The following RBMS3 variants were observed in gnomAD, a reference collection of about 807,000 sequenced individuals.
The protein encoded by RBMS3 is RNA binding motif single stranded interacting protein 3.
In RBMS3, 27 loss-of-function variants were observed where a neutral mutation model predicts 66.8. That is an observed-to-expected ratio of 0.40 (90% CI 0.30 to 0.56). The LOEUF is 0.56. Among genes scored for constraint, RBMS3 ranks in the 20% least tolerant of loss-of-function variants. The pLI is 0.40. For synonymous variants in RBMS3, 188 were observed against 183.0 expected (o/e 1.03, Z -0.22); for missense variants, 513 against 549.5 (o/e 0.93, Z 0.66).
At chr3:29,504,006 T>C (rs971045291) in intron 3 of RBMS3, among the ~76,000 whole-genome samples, 1 of 152,134 alleles carries the variant, frequency 6.6e-6, no homozygotes, top group African/African-American at 2.4e-5. Flanking sequence ...CTTTGTTCTC[T>C]AAACAGTTTG....
At chr3:29,666,443 A>G (rs921515833) in intron 4 of RBMS3, among the ~76,000 whole-genome samples, 4 of 152,218 alleles carry the variant, frequency 2.6e-5, no homozygotes, top group Non-Finnish European at 4.4e-5. Flanking sequence ...GAATGAGTAA[A>G]TGCACATTTA....
At chr3:29,772,173 T>A (rs903609711) in intron 6 of RBMS3, among the ~76,000 whole-genome samples, 5 of 151,926 alleles carry the variant, frequency 3.3e-5, no homozygotes, top group African/African-American at 9.6e-5. Context: ...GACTTGGATT[T>A]CCCCCCTAGA....
At chr3:29,994,717 C>CTGTT (rs1316128172) in intron 14 of RBMS3, among the ~76,000 whole-genome samples, 2 of 152,208 alleles carry the variant, frequency 1.3e-5, no homozygotes, top group African/African-American at 4.8e-5. Context: ...AGGATCCTCT[C>CTGTT]TGTTAGAAGG....
chr3:29,318,491 G>A (rs2034823470), intron 1 of RBMS3, among the ~76,000 whole-genome samples: 2 of 151,868 alleles, frequency 1.3e-5, no homozygotes, highest in Non-Finnish European at 2.9e-5. Context: ...ATCACCCGCA[G>A]AATGCAAGGT....
chr3:29,548,186 G>A (rs2046040050), intron 3 of RBMS3, among the ~76,000 whole-genome samples: 1 of 152,072 alleles, frequency 6.6e-6, no homozygotes, highest in South Asian at 2.1e-4. Context: ...CAGAGCTTGG[G>A]AGGCCAAAGC....
At chr3:29,485,079 A>G (rs1019603075) in intron 2 of RBMS3, among the ~76,000 whole-genome samples, 1 of 152,160 alleles carries the variant, frequency 6.6e-6, no homozygotes, top group African/African-American at 2.4e-5. Flanking sequence ...TAGACCCATA[A>G]TAACTCTATT....
At chr3:29,373,495 G>A (rs2038312057) in intron 1 of RBMS3, among the ~76,000 whole-genome samples, 1 of 151,600 alleles carries the variant, frequency 6.6e-6, no homozygotes, top group Non-Finnish European at 1.5e-5. Flanking sequence ...AGGGAAACAA[G>A]AGTCAGACTT....
At chr3:29,718,990 C>A (rs574309995) in intron 4 of RBMS3, among the ~76,000 whole-genome samples, 1 of 152,284 alleles carries the variant, frequency 6.6e-6, no homozygotes, top group South Asian at 2.1e-4. Flanking sequence ...CTTCATTTTA[C>A]TGTGTGAACA....
At chr3:29,428,145 G>T (rs572125521) in intron 1 of RBMS3, among the ~76,000 whole-genome samples, 1 of 152,030 alleles carries the variant, frequency 6.6e-6, no homozygotes, top group African/African-American at 2.4e-5. Context: ...TCTGTGAGGG[G>T]TACTGTACTG....
intron 12 of RBMS3, among the ~76,000 whole-genome samples, chr3:29,973,344 C>T (rs1245491675): frequency 1.3e-5 from 2 of 151,928 alleles, no homozygotes; most frequent in Non-Finnish European, 2.9e-5. Context: ...TGATTATCTA[C>T]TTGGTTCCTG....
chr3:29,329,360 G>T (rs1198987004), intron 1 of RBMS3, among the ~76,000 whole-genome samples: 1 of 152,092 alleles, frequency 6.6e-6, no homozygotes, highest in Admixed American at 6.6e-5. Context: ...GCAGGTGGTT[G>T]AGAGGTTCTA....
At chr3:29,924,234 G>T (rs542644928) in intron 10 of RBMS3, among the ~76,000 whole-genome samples, 1 of 152,190 alleles carries the variant, frequency 6.6e-6, no homozygotes, top group Non-Finnish European at 1.5e-5. Context: ...CCGGAAAAAT[G>T]GATGTCACAT....
chr3:29,643,905 C>T (rs367916175), intron 4 of RBMS3, among the ~76,000 whole-genome samples: 1 of 152,148 alleles, frequency 6.6e-6, no homozygotes, highest in African/African-American at 2.4e-5. Context: ...GAATTTCCTG[C>T]CATTTTCTTT....
At chr3:29,369,861 T>A (rs981962704) in intron 1 of RBMS3, among the ~76,000 whole-genome samples, 2 of 152,176 alleles carry the variant, frequency 1.3e-5, no homozygotes, top group Non-Finnish European at 2.9e-5. Context: ...TCTACCCCGA[T>A]TTACAGTGAT....
intron 1 of RBMS3, among the ~76,000 whole-genome samples, chr3:29,362,524 A>G (rs995571329): frequency 5.3e-5 from 8 of 152,126 alleles, no homozygotes; most frequent in Non-Finnish European, 1.0e-4. Flanking sequence ...CAGTCTGCCC[A>G]TTGTCAGATC....
rs2036576785 is a variant in RBMS3, at chr3:29,346,394, TTC to T, written c.75+64640_75+64641del. On this transcript the variant is annotated intron_variant, in intron 1 of 14. Coordinates refer to ENST00000383767, the MANE Select transcript of RBMS3 (RefSeq NM_001003793.3). Reference sequence around the variant, plus strand: ...TGTGAATCCTAGTAAAGGCAATTCATTCTTTTTTTTTTTTTTTTTTTTTTTTT... The same window carrying T: ...TGTGAATCCTAGTAAAGGCAATTCATTTTTTTTTTTTTTTTTTTTTTTTTT... 1.4e-4 allele frequency among the ~76,000 whole-genome samples: 19 copies of T among 140,406 alleles called. No individual in the cohort carries two copies. In the South Asian group the frequency reaches 4.3e-3, roughly 32 times the overall value. The allele number at this position is 140,406 out of a possible 152,430, so 92.1% of individuals were successfully genotyped here.
Position 29,934,564 on chromosome 3 carries a change from T to C in RBMS3, c.940-1522T>C, listed in dbSNP as rs181953541. ...TATAATTAAGTAAAAGCTTATCTTA[T>C]GTTTCTCATTTAAGAGGCATCCTGA... is the stretch of plus-strand genomic sequence containing the variant. On this transcript the variant is annotated intron_variant, in intron 10 of 14. Transcript: ENST00000383767. Among the ~76,000 whole-genome samples, 56 of 152,286 alleles carry C rather than the reference T, an allele frequency of 3.7e-4. No homozygotes were observed. In the East Asian group the frequency reaches 0.011, roughly 29 times the overall value.
intron 4 of RBMS3, among the ~76,000 whole-genome samples, chr3:29,705,071 T>G (rs2052812264): frequency 1.3e-5 from 2 of 152,204 alleles, no homozygotes; most frequent in Non-Finnish European, 2.9e-5. Flanking sequence ...AGATTTTAGC[T>G]AGGGGCTTTT....
intron 8 of RBMS3, among the ~76,000 whole-genome samples, chr3:29,884,916 TTC>T (rs2059833678): frequency 3.3e-5 from 5 of 151,966 alleles, no homozygotes. Flanking sequence ...TATTTTGGAA[TTC>T]TCCAAGGCTT....
Sources: gnomAD v4.1 joint callset for allele counts (sites outside exome capture counted in the v4.1 genomes callset) on GRCh38, gnomAD v4.1.1 for gene constraint, MANE v1.5 for transcripts, NCBI Gene and HGNC (gene_info 2026-07-23, HGNC 2026-07-21) for gene names.